SAMD5: variants seen among roughly 807,000 people sequenced by gnomAD.
SAMD5 encodes sterile alpha motif domain-containing protein 5.
A neutral mutation model predicts 11.3 loss-of-function variants in SAMD5; 13 were observed. That is an observed-to-expected ratio of 1.15 (90% confidence interval 0.75 to 1.83). The LOEUF (loss-of-function observed/expected upper bound fraction) is 1.83, where lower values mean the gene tolerates loss of function less well. Among genes scored for constraint, SAMD5 ranks in the 40% most tolerant of loss-of-function variants. SAMD5 has a pLI of 0.00. For missense variants in SAMD5, 255 were observed against 239.1 expected (o/e 1.07, Z -0.44); for synonymous variants, 129 against 111.3 (o/e 1.16, Z -1.00).
chr6:147,576,928 A>T (rs1208653381), intron 1 of SAMD5, among the ~76,000 whole-genome samples: 1 of 152,214 alleles, frequency 6.6e-6, no homozygotes, highest in Non-Finnish European at 1.5e-5. Flanking sequence ...AGCCTTACAG[A>T]TTCTAAGAGG....
intron 1 of SAMD5, among the ~76,000 whole-genome samples, chr6:147,526,255 G>A (rs530797698): frequency 8.5e-5 from 13 of 152,302 alleles, no homozygotes; most frequent in Middle Eastern, 3.4e-3. Context: ...AGCCTATTAC[G>A]TGATTATTAA....
intron 1 of SAMD5, among the ~76,000 whole-genome samples, chr6:147,530,110 C>T (rs543448490): frequency 3.3e-5 from 5 of 152,244 alleles, no homozygotes; most frequent in East Asian, 3.9e-4. Context: ...TTAGGCTTTG[C>T]GTAAACTCCA....
chr6:147,794,011 G>C, the SAMD5 span, among the ~76,000 whole-genome samples: 1 of 152,140 alleles, frequency 6.6e-6, no homozygotes, highest in Admixed American at 6.5e-5. Flanking sequence ...CACTGCTCCA[G>C]TAATTCAAAT....
At chr6:147,784,929 A>T in the SAMD5 span, among the ~76,000 whole-genome samples, 1 of 152,222 alleles carries the variant, frequency 6.6e-6, no homozygotes, top group Non-Finnish European at 1.5e-5. Flanking sequence ...TTAACTTGTT[A>T]ATTTCATTCA....
chr6:147,530,788 A>G lies in SAMD5; in HGVS notation c.459+21401A>G, dbSNP rs573058675. Among the ~76,000 whole-genome samples, 3 of 152,324 alleles carry G rather than the reference A, an allele frequency of 2.0e-5. No homozygotes were observed. In the East Asian group the frequency reaches 5.8e-4, roughly 29 times the overall value. On this transcript the variant is annotated intron_variant, in intron 1 of 1. Coordinates refer to ENST00000367474, the MANE Select transcript of SAMD5 (RefSeq NM_001030060.3). The stretch of plus-strand genomic sequence containing the variant: ...GGCCGTGGTTCCCAAACACAGAGAG[A>G]AAAAGCACATTCAGGGTTCTGAGCC...
intron 1 of SAMD5, chr6:147,737,187 T>A (rs1334257460): frequency 2.3e-5 from 7 of 307,668 alleles, no homozygotes; most frequent in East Asian, 7.9e-5. Context: ...CAGGTTTTTT[T>A]ATAATTGACA....
the SAMD5 span, among the ~76,000 whole-genome samples, chr6:147,907,421 TA>T: frequency 6.7e-6 from 1 of 148,740 alleles, no homozygotes; most frequent in African/African-American, 2.5e-5. Flanking sequence ...ATTAGGTTGG[TA>T]CAAAAGCAAT....
chr6:147,941,312 G>A, the SAMD5 span, among the ~76,000 whole-genome samples: 15 of 152,204 alleles, frequency 9.9e-5, no homozygotes, highest in African/African-American at 3.4e-4. Context: ...TTACCTACTC[G>A]GTATGTGCAT....
In SAMD5 at chr6:147,667,188, C is replaced by T. The variant is rs191241007; in HGVS notation, c.163-70129C>T. 1.3e-3 allele frequency among the ~76,000 whole-genome samples: 200 copies of T among 152,206 alleles called. 1 individual carries two copies. The highest frequency in any genetic ancestry group is 4.7e-3 in the African/African-American group (194 of 41,518). On this transcript the variant is annotated intron_variant, in intron 1 of 1. Coordinates refer to the SAMD5 transcript ENST00000566741. ...GAGTTTACAGAGATAAGCATAAGGCCTGTGTGTTATTCATCTCTTGTTTTC... is the reference window on the plus strand; with the variant it reads ...GAGTTTACAGAGATAAGCATAAGGCTTGTGTGTTATTCATCTCTTGTTTTC...
the SAMD5 span, among the ~76,000 whole-genome samples, chr6:147,780,899 A>G: frequency 6.6e-6 from 1 of 152,178 alleles, no homozygotes; most frequent in Non-Finnish European, 1.5e-5. Flanking sequence ...CTCTTTAGAT[A>G]CTTCATTGTT....
chr6:147,613,457 TCTC>T (rs1789816743), intron 1 of SAMD5, among the ~76,000 whole-genome samples: 1 of 151,908 alleles, frequency 6.6e-6, no homozygotes, highest in African/African-American at 2.4e-5. Flanking sequence ...GGGATTATTC[TCTC>T]CTCCTAACAG....
chr6:147,639,747 C>G (rs1790282185), intron 1 of SAMD5, among the ~76,000 whole-genome samples: 1 of 152,156 alleles, frequency 6.6e-6, no homozygotes, highest in African/African-American at 2.4e-5. Flanking sequence ...TCATGTAAAT[C>G]ATGAGATAAG....
chr6:147,824,637 T>C, the SAMD5 span, among the ~76,000 whole-genome samples: 1 of 152,192 alleles, frequency 6.6e-6, no homozygotes, highest in Admixed American at 6.5e-5. Flanking sequence ...TCAATACTAA[T>C]TACAAAACAA....
At position 147,508,813 on chromosome 6, in the gene SAMD5, T is replaced by C. The variant is rs1473527594; in HGVS notation, c.-116T>C. Reference sequence around the variant, plus strand: ...CGAGCCTTTCCTTTAAAAGGAAAACTTTACTGCGATACCCTTTTCCCCTTG... The same window carrying C: ...CGAGCCTTTCCTTTAAAAGGAAAACCTTACTGCGATACCCTTTTCCCCTTG... On this transcript the variant is annotated 5_prime_UTR_variant, in exon 1 of 2. Transcript: ENST00000367474. The C allele has an allele frequency of 2.3e-5, 33 of 1,444,534 alleles. No individual in the cohort carries two copies. Among genetic ancestry groups the C allele is most frequent in the Non-Finnish European group, 2.8e-5 (31 of 1,098,248 alleles). 89.5% of individuals were successfully genotyped at this position (1,444,534 alleles called of 1,614,324 possible).
chr6:147,722,408 G>T (rs777004058), intron 1 of SAMD5, among the ~76,000 whole-genome samples: 2 of 152,002 alleles, frequency 1.3e-5, no homozygotes, highest in East Asian at 3.9e-4. Context: ...GCATGTATTT[G>T]CCAATATTTT....
chr6:147,797,245 A>C, the SAMD5 span, among the ~76,000 whole-genome samples: 1 of 144,950 alleles, frequency 6.9e-6, no homozygotes, highest in South Asian at 2.2e-4. Context: ...ACGTCCCATC[A>C]ATACCTAATT....
the SAMD5 span, among the ~76,000 whole-genome samples, chr6:147,799,110 T>C: frequency 6.6e-6 from 1 of 151,986 alleles, no homozygotes; most frequent in Admixed American, 6.6e-5. Flanking sequence ...ATCCTGTCAT[T>C]ATGATGTTAG....
At chr6:147,699,351 GCTTTCT>G (rs1407765376) in intron 1 of SAMD5, among the ~76,000 whole-genome samples, 1 of 152,100 alleles carries the variant, frequency 6.6e-6, no homozygotes, top group African/African-American at 2.4e-5. Context: ...CAGAAATGAT[GCTTTCT>G]ATCTAAAAAG....
At chr6:147,691,186 G>A (rs986518385) in intron 1 of SAMD5, among the ~76,000 whole-genome samples, 1 of 152,214 alleles carries the variant, frequency 6.6e-6, no homozygotes, top group Middle Eastern at 3.4e-3. Flanking sequence ...TAGAGACACA[G>A]TTTTGCTATG....
Sources: gnomAD v4.1 joint callset for allele counts (sites outside exome capture counted in the v4.1 genomes callset) on GRCh38, gnomAD v4.1.1 for gene constraint, MANE v1.5 for transcripts, NCBI Gene and HGNC (gene_info 2026-07-23, HGNC 2026-07-21) for gene names.